The following PLXNB2 variants were observed in gnomAD, a reference collection of about 807,000 sequenced individuals.
The protein encoded by PLXNB2 is plexin-B2.
PLXNB2 carries 85 observed loss-of-function variants against 202.6 expected under a neutral mutation model. That is an observed-to-expected ratio of 0.42 (90% CI 0.35 to 0.50). PLXNB2 has a LOEUF of 0.50. Ranked by LOEUF, PLXNB2 falls within the 20% of genes least tolerant of loss-of-function variation. The pLI, the probability that PLXNB2 is intolerant of heterozygous loss-of-function variation, is 0.02. For synonymous variants in PLXNB2, 1,239 were observed against 1,137.6 expected (o/e 1.09, Z -1.79); for missense variants, 2,063 against 2,586.2 (o/e 0.80, Z 4.39).
At chr22:50,277,770 G>C in intron 32 of PLXNB2, 32 bp from the exon 33 acceptor site, 1 of 1,587,870 alleles carries the variant, frequency 6.3e-7, no homozygotes, top group South Asian at 1.1e-5. Context: ...TGAGAGCCGG[G>C]GCTGGGCCGC....
Position 50,278,339 on chromosome 22 carries a change from G to T in PLXNB2, c.4733-68C>A. ...GGCCTGGGTCCCACAGGGAGCAGTG[G>T]TGGCAGGGTGGGCAGGGGTGCATGT... is the stretch of plus-strand genomic sequence containing the variant. On this transcript the variant is annotated intron_variant, in intron 30 of 36. Transcript: ENST00000359337. 2.5e-6 allele frequency: 4 copies of T among 1,586,170 alleles called. No individual in the cohort carries two copies. The South Asian group carries it at 3.4e-5, about 13-fold the overall frequency.
chr22:50,278,558 G>A (rs1029369781), intron 29 of PLXNB2, 38 bp downstream of exon 29: 3 of 1,596,522 alleles, frequency 1.9e-6, no homozygotes, highest in African/African-American at 2.7e-5. Context: ...GTGCCCCCAG[G>A]GTGCCCAGTT....
rs376280928 is a variant in PLXNB2, at chr22:50,280,861, G to A, written c.3876C>T (p.Gly1292=). 3.2e-5 allele frequency: 51 copies of A among 1,613,384 alleles called. No homozygotes were observed. The highest frequency in any genetic ancestry group is 2.4e-5 in the Non-Finnish European group (28 of 1,179,974). Residue 1292 remains glycine (G), a synonymous_variant, in exon 24 of 37, where the codon GGC becomes GGT. Coordinates refer to ENST00000359337, the MANE Select transcript of PLXNB2 (RefSeq NM_012401.4). ...DRVFFLPSKD[G]DKDVMITGKL... ...TGCCGGTGATCATCACGTCCTTGTC[G>A]CCGTCCTTGGAGGGCAGGAAGAAGA... is the stretch of plus-strand genomic sequence containing the variant.
Position 50,283,992 on chromosome 22 carries a change from T to C in PLXNB2, c.2264-2A>G. The C allele has an allele frequency of 6.5e-7, 1 of 1,538,478 alleles. No individual in the cohort carries two copies. Among genetic ancestry groups the C allele is most frequent in the Non-Finnish European group, 8.7e-7 (1 of 1,146,042 alleles). On this transcript the variant is annotated splice_acceptor_variant, in intron 13 of 36. Coordinates refer to ENST00000359337, the MANE Select transcript of PLXNB2 (RefSeq NM_012401.4). LOFTEE classifies it high-confidence loss of function. ...CAAAGGAGCAGTTGTAGAGGGTCAC[T>C]GCGGGGAGAGCTGCCGTCAGTGGTC...
chr22:50,284,664 C>T lies in PLXNB2; in HGVS notation c.2090G>A (p.Gly697Asp). ...GTCACTGCCCACGTGCAGGGAGGAA[C>T]CCTGCAGACCATGCCGTCAGGACCC... ...FQGKNLDTVK[G>D]SSLHVGSDLL... is the part of the protein sequence containing the mutation. The change falls in exon 12 of 37, where the codon GGT (glycine) becomes GAT (aspartate). Residue 697 changes from glycine to aspartate, a missense_variant and splice_region_variant. Physicochemically the swap from Gly to Asp is moderately conservative, Grantham distance 94. Around this residue, in one of 2 missense-constraint regions of PLXNB2, gnomAD observed 1,303 missense variants for 1,476.8 expected, o/e 0.88. Coordinates refer to ENST00000359337, the MANE Select transcript of PLXNB2 (RefSeq NM_012401.4). The surrounding 1 kb of genome is among the most constrained non-coding windows in gnomAD (Gnocchi z 8.0). 4 of 1,611,792 alleles carry T rather than the reference C, an allele frequency of 2.5e-6. No homozygotes were observed. The highest frequency in any genetic ancestry group is 2.5e-6 in the Non-Finnish European group (3 of 1,178,986).
chr22:50,278,378 A>G (rs2065760584), intron 30 of PLXNB2, 57 bp downstream of exon 30: 1 of 1,560,076 alleles, frequency 6.4e-7, no homozygotes, highest in African/African-American at 1.4e-5. Flanking sequence ...CAGGGCAGAC[A>G]TGGTCCACGC....
In PLXNB2 at chr22:50,282,318, G is replaced by A. The variant is rs374119721; in HGVS notation, c.2988-5C>T. The A allele has an allele frequency of 6.6e-5, 106 of 1,598,644 alleles. No individual in the cohort carries two copies. The highest frequency in any genetic ancestry group is 3.3e-4 in the Middle Eastern group (2 of 5,990). On this transcript the variant is annotated splice_region_variant and splice_polypyrimidine_tract_variant and intron_variant, in intron 18 of 36. Transcript: ENST00000359337. ...ACGTTGATGCTGCGGCCACCACTGC[G>A]GAGGGCAGTGCCTTCGTGGGCTCGG...
At position 50,284,374 on chromosome 22, in the gene PLXNB2, G is replaced by A. The variant is rs555185948; in HGVS notation, c.2182-161C>T. 4.8e-5 allele frequency: 36 copies of A among 752,132 alleles called. No homozygotes were observed. The Admixed American group carries it at 5.1e-4, about 11-fold the overall frequency. The allele number at this position is 752,132 out of a possible 1,614,324, so 46.6% of individuals were successfully genotyped here. ...GAAGTTCGGGAACCCCATGGACGCT[G>A]CTCTGTGCCACTCTGTCCCCAGGGA... On this transcript the variant is annotated intron_variant, in intron 12 of 36. Coordinates refer to ENST00000359337, the MANE Select transcript of PLXNB2 (RefSeq NM_012401.4). The surrounding 1 kb of genome is among the most constrained non-coding windows in gnomAD (Gnocchi z 8.0).
intron 2 of PLXNB2, among the ~76,000 whole-genome samples, chr22:50,293,883 A>C (rs996505418): frequency 2.0e-5 from 3 of 152,050 alleles, no homozygotes; most frequent in African/African-American, 4.8e-5. Flanking sequence ...TGCTCAATAA[A>C]CACCACCGTG....
chr22:50,294,950 G>C (rs2067149876), intron 1 of PLXNB2, among the ~76,000 whole-genome samples, 172 bp from the exon 2 acceptor site: 1 of 152,202 alleles, frequency 6.6e-6, no homozygotes, highest in South Asian at 2.1e-4. Flanking sequence ...CACCTCCAGG[G>C]CTCCTGGCAC....
In PLXNB2 at chr22:50,289,523, G is replaced by A. The variant is rs745754194; in HGVS notation, c.1062C>T (p.His354=). The change falls in exon 3 of 37, where the codon CAC becomes CAT. Residue 354 remains histidine, a synonymous_variant. Transcript: ENST00000359337. The surrounding 1 kb of genome is among the most constrained non-coding windows in gnomAD (Gnocchi z 8.0). ...AACACACTGAGGCCCATACCGGCGC[G>A]TGGCCGCCGCACTGGATATCGCCGT... The part of the protein sequence containing the change: ...PFHGDIQCGG[H]APGSSKSFPC... The A allele has an allele frequency of 1.2e-5, 19 of 1,608,326 alleles. No individual in the cohort carries two copies. Among genetic ancestry groups the A allele is most frequent in the South Asian group, 6.6e-5 (6 of 90,860 alleles).
At chr22:50,296,296 TCCC>T (rs1386723849) in intron 1 of PLXNB2, among the ~76,000 whole-genome samples, 9 of 150,938 alleles carry the variant, frequency 6.0e-5, no homozygotes, top group African/African-American at 2.2e-4. Context: ...CAGCCTGAAG[TCCC>T]GGGTACTGAG....
intron 23 of PLXNB2, 27 bp from the exon 24 acceptor site, chr22:50,281,000 C>T (rs372357779): frequency 6.2e-7 from 1 of 1,607,830 alleles, no homozygotes; most frequent in Non-Finnish European, 8.5e-7. Context: ...GTGAGACGTC[C>T]CTGGCCACGT....
intron 1 of PLXNB2, among the ~76,000 whole-genome samples, chr22:50,295,968 G>A (rs1195822821): frequency 6.6e-6 from 1 of 152,104 alleles, no homozygotes; most frequent in Non-Finnish European, 1.5e-5. Flanking sequence ...CGGGCGTAGT[G>A]GTGCGCGCCT....
At position 50,280,370 on chromosome 22, in the gene PLXNB2, C is replaced by T. The variant is rs2147361254; in HGVS notation, c.4175+119G>A. 4.1e-6 allele frequency: 4 copies of T among 965,776 alleles called. 1 individual carries two copies. The East Asian group carries it at 8.3e-5, about 20-fold the overall frequency. The allele number at this position is 965,776 out of a possible 1,614,324, so 59.8% of individuals were successfully genotyped here. A position where few individuals can be genotyped will look rare whatever the true frequency, so the allele number is the denominator to read the frequency against. ...CCTAGACCGCCCCCCACCACCAGCG[C>T]TGGCTGGCACCTGCCGGCTCCTGGG... On this transcript the variant is annotated intron_variant, in intron 25 of 36. Transcript: ENST00000359337.
chr22:50,286,090 G>T lies in PLXNB2; in HGVS notation c.1886C>A (p.Ser629Tyr). ...MSLEENLPCI[S>Y]CVSNRWTCQW... ...GCAGGTCCAGCGGTTGCTCACGCAG[G>T]AGATGCACCTGCATCCAGAGGGGAT... is the stretch of plus-strand genomic sequence containing the variant. The change falls in exon 10 of 37, where the codon TCC (serine) becomes TAC (tyrosine). Residue 629 changes from serine (S) to tyrosine (Y), a missense_variant. By Grantham distance (144) the Ser-to-Tyr change is moderately radical. Transcript: ENST00000359337. 1 of 1,612,234 alleles carries T rather than the reference G, an allele frequency of 6.2e-7. No homozygotes were observed. The highest frequency in any genetic ancestry group is 8.5e-7 in the Non-Finnish European group (1 of 1,179,902).
At chr22:50,293,475 G>A (rs113456222) in intron 2 of PLXNB2, among the ~76,000 whole-genome samples, 9 of 151,648 alleles carry the variant, frequency 5.9e-5, no homozygotes, top group African/African-American at 2.2e-4. Context: ...CCTCGGCCCT[G>A]CGCCCAGGCC....
chr22:50,305,638 C>T (rs1406951917), intron 1 of PLXNB2, among the ~76,000 whole-genome samples: 1 of 152,182 alleles, frequency 6.6e-6, no homozygotes, highest in Non-Finnish European at 1.5e-5. Flanking sequence ...GGAGGGCCCC[C>T]TGAGGGAAAC....
At position 50,287,717 on chromosome 22, in the gene PLXNB2, C is replaced by A. The variant is rs1444914291; in HGVS notation, c.1558G>T (p.Ala520Ser). ...TTCTGTGGCTGGGCGCTGGTGACGG[C>A]CACGCAGGACTTGCTTCGGCTCCAC... Reference protein sequence around the residue: ...WLWSRSKSCVAVTSAQPQNMS... With the variant: ...WLWSRSKSCVSVTSAQPQNMS... Residue 520 changes from alanine to serine, a missense_variant, in exon 7 of 37, where the codon GCC (alanine) becomes TCC (serine). Around this residue, in one of 2 missense-constraint regions of PLXNB2, gnomAD observed 1,303 missense variants for 1,476.8 expected, o/e 0.88. Transcript: ENST00000359337. 6.4e-7 allele frequency: 1 copy of A among 1,567,806 alleles called. No individual in the cohort carries two copies. Among genetic ancestry groups the A allele is most frequent in the Admixed American group, 1.8e-5 (1 of 54,658 alleles).
Sources: gnomAD v4.1 joint callset for allele counts (sites outside exome capture counted in the v4.1 genomes callset) on GRCh38, gnomAD v4.1.1 for gene constraint, gnomAD v4.1.1 regional missense constraint, Gnocchi (gnomAD v3.1) non-coding constraint, MANE v1.5 for transcripts, NCBI Gene and HGNC (gene_info 2026-07-23, HGNC 2026-07-21) for gene names.